The following SKIC3 variants were observed in gnomAD, a reference collection of about 807,000 sequenced individuals.
SKIC3 encodes the protein superkiller complex protein 3.
the SKIC3 span, among the ~76,000 whole-genome samples, chr5:95,465,380 C>T: frequency 6.6e-6 from 1 of 152,224 alleles, no homozygotes; most frequent in African/African-American, 2.4e-5. Context: ...AACCACAGCT[C>T]AGGATCTAGG....
chr5:95,541,954 T>C, the SKIC3 span: 2 of 1,190,386 alleles, frequency 1.7e-6, no homozygotes, highest in South Asian at 2.5e-5. Flanking sequence ...AAACATTTGC[T>C]GTTCTCACAT....
chr5:95,494,359 T>C, the SKIC3 span, among the ~76,000 whole-genome samples: 2 of 152,172 alleles, frequency 1.3e-5, no homozygotes, highest in African/African-American at 2.4e-5. Context: ...AAATCACAAA[T>C]AAATGCAAGA....
the SKIC3 span, among the ~76,000 whole-genome samples, chr5:95,514,178 A>C: frequency 2.0e-5 from 3 of 152,212 alleles, no homozygotes; most frequent in Non-Finnish European, 2.9e-5. Context: ...TCTGATAAGC[A>C]ACTGACTGCT....
At chr5:95,516,802 T>C in the SKIC3 span, 1 of 1,585,572 alleles carries the variant, frequency 6.3e-7, no homozygotes, top group Non-Finnish European at 8.6e-7. Flanking sequence ...TAGCAGCATG[T>C]ATATCAAGAT....
the SKIC3 span, chr5:95,464,727 A>G: frequency 5.3e-5 from 80 of 1,504,062 alleles, no homozygotes; most frequent in Admixed American, 2.2e-4. Context: ...GTTTATTAAC[A>G]ATATCTATAT....
chr5:95,497,286 A>G, the SKIC3 span: 2 of 872,976 alleles, frequency 2.3e-6, no homozygotes, highest in South Asian at 2.9e-5. Context: ...TGGAAAATTT[A>G]GTTAATAACA....
the SKIC3 span, among the ~76,000 whole-genome samples, chr5:95,485,518 G>A: frequency 6.6e-6 from 1 of 152,070 alleles, no homozygotes; most frequent in Admixed American, 6.5e-5. Flanking sequence ...TCATTTTTAT[G>A]TATTGCTGGA....
the SKIC3 span, chr5:95,529,360 C>T: frequency 1.2e-4 from 60 of 517,146 alleles, no homozygotes; most frequent in African/African-American, 1.1e-3. Context: ...ATTCTTTACA[C>T]TGTAGCTAGA....
At chr5:95,529,662 AT>A in the SKIC3 span, among the ~76,000 whole-genome samples, 2 of 152,146 alleles carry the variant, frequency 1.3e-5, no homozygotes, top group East Asian at 3.9e-4. Context: ...TGTATTTACC[AT>A]TCAGATCTAT....
chr5:95,549,687 G>T, the SKIC3 span, among the ~76,000 whole-genome samples: 1 of 151,734 alleles, frequency 6.6e-6, no homozygotes, highest in South Asian at 2.1e-4. Context: ...AGTTTAATTT[G>T]TAAAAAGACA....
the SKIC3 span, among the ~76,000 whole-genome samples, chr5:95,481,550 T>C: frequency 1.3e-5 from 2 of 152,182 alleles, no homozygotes; most frequent in African/African-American, 4.8e-5. Flanking sequence ...TTTTCCCTTT[T>C]AGTTTGACAA....
chr5:95,535,893 C>T, the SKIC3 span, among the ~76,000 whole-genome samples: 10 of 152,134 alleles, frequency 6.6e-5, no homozygotes, highest in South Asian at 4.1e-4. Flanking sequence ...ACAATCACTA[C>T]CACACTGGTG....
the SKIC3 span, among the ~76,000 whole-genome samples, chr5:95,500,048 T>C: frequency 2.6e-5 from 4 of 152,194 alleles, no homozygotes; most frequent in African/African-American, 9.6e-5. Flanking sequence ...AGTAGTTTTA[T>C]TTTATGGGCA....
At chr5:95,511,445 G>A in the SKIC3 span, among the ~76,000 whole-genome samples, 1 of 152,052 alleles carries the variant, frequency 6.6e-6, no homozygotes, top group Non-Finnish European at 1.5e-5. Context: ...AAATAAGCAT[G>A]AGGAGATCCA....
the SKIC3 span, chr5:95,482,707 G>T: frequency 1.3e-6 from 2 of 1,535,956 alleles, no homozygotes; most frequent in Non-Finnish European, 1.8e-6. Flanking sequence ...TATTCTCCAA[G>T]TTGGGAAAAT....
At chr5:95,528,108 A>T in the SKIC3 span, 1 of 1,613,872 alleles carries the variant, frequency 6.2e-7, no homozygotes, top group Non-Finnish European at 8.5e-7. Flanking sequence ...TTCCTCTGAT[A>T]AAGACTGTTA....
At chr5:95,519,651 A>T in the SKIC3 span, among the ~76,000 whole-genome samples, 7 of 152,078 alleles carry the variant, frequency 4.6e-5, no homozygotes, top group African/African-American at 1.7e-4. Flanking sequence ...GAAGTAACTT[A>T]TATCACCCTT....
At chr5:95,477,623 A>G in the SKIC3 span, among the ~76,000 whole-genome samples, 1 of 152,180 alleles carries the variant, frequency 6.6e-6, no homozygotes, top group Admixed American at 6.5e-5. Context: ...CCTTCTCCAA[A>G]TAACTGCCAT....
At chr5:95,521,442 T>A in the SKIC3 span, 4 of 151,958 alleles carry the variant, frequency 2.6e-5, no homozygotes, top group Non-Finnish European at 5.8e-5. Context: ...TGAGCAAGGA[T>A]GACACAAAAA....
Sources: allele counts gnomAD v4.1 joint callset (sites outside exome capture counted in the v4.1 genomes callset), GRCh38; gene constraint gnomAD v4.1.1; transcripts MANE v1.5; gene names NCBI Gene and HGNC (gene_info 2026-07-23, HGNC 2026-07-21).